The following TNRC6B variants were observed in gnomAD, a reference collection of about 807,000 sequenced individuals.
TNRC6B encodes trinucleotide repeat-containing gene 6B protein.
Under a neutral mutation model 203.6 loss-of-function variants are expected in TNRC6B, and 52 were observed. The observed-to-expected ratio is 0.26, with a 90% CI of 0.20 to 0.32. The LOEUF (loss-of-function observed/expected upper bound fraction) is 0.32, where lower values mean the gene tolerates loss of function less well. Among genes scored for constraint, TNRC6B ranks in the 10% least tolerant of loss-of-function variants. The pLI, the probability that TNRC6B is intolerant of heterozygous loss-of-function variation, is 1.00. For synonymous variants in TNRC6B, 838 were observed against 845.7 expected (o/e 0.99, Z 0.16); for missense variants, 1,923 against 2,286.2 (o/e 0.84, Z 3.24).
intron 12 of TNRC6B, among the ~76,000 whole-genome samples, chr22:40,293,777 A>G (rs1044367779): frequency 3.3e-5 from 5 of 152,070 alleles, no homozygotes; most frequent in Non-Finnish European, 7.4e-5. Context: ...CTGAGCATCA[A>G]TAGCTGTGCC....
chr22:40,230,479 A>G lies in TNRC6B; in HGVS notation c.6-15536A>G, dbSNP rs139347937. ...GCTAATTTTTGTTTTTTTAGTAACA[A>G]TGGGATTTCACCATGTTGGCCAGAC... On this transcript the variant is annotated intron_variant, in intron 1 of 22. Transcript: ENST00000454349. 3.7e-3 allele frequency among the ~76,000 whole-genome samples: 561 copies of G among 151,896 alleles called. 3 individuals carry two copies. Among genetic ancestry groups the G allele is most frequent in the Middle Eastern group, 0.014 (4 of 294 alleles).
chr22:40,095,290 G>A (rs1478894147), intron 1 of TNRC6B, among the ~76,000 whole-genome samples: 1 of 152,038 alleles, frequency 6.6e-6, no homozygotes, highest in East Asian at 1.9e-4. Flanking sequence ...TGGGAAATAA[G>A]TAGTCACTCC....
At chr22:40,291,852 T>A (rs1240109259) in intron 12 of TNRC6B, among the ~76,000 whole-genome samples, 1 of 152,250 alleles carries the variant, frequency 6.6e-6, no homozygotes, top group Non-Finnish European at 1.5e-5. Context: ...AGATTTTATA[T>A]TCCTTTTGAC....
Position 40,326,745 on chromosome 22 carries a change from T to G in TNRC6B, c.*3504T>G, listed in dbSNP as rs890769443. The stretch of plus-strand genomic sequence containing the variant: ...AATCTATGTAAAGAGTTAGGAAATA[T>G]AGGTTAATAATTTTTGGAACAAATT... On this transcript the variant is annotated 3_prime_UTR_variant, in exon 23 of 23. Coordinates refer to ENST00000454349, the MANE Select transcript of TNRC6B (RefSeq NM_001162501.2). The G allele has an allele frequency of 6.6e-6, 1 of 152,622 alleles. No individual in the cohort carries two copies. Among genetic ancestry groups the G allele is most frequent in the South Asian group, 2.1e-4 (1 of 4,828 alleles). The allele number at this position is 152,622 out of a possible 1,614,324, so 9.5% of individuals were successfully genotyped here.
chr22:40,334,358 G>A lies in TNRC6B; in HGVS notation c.*11117G>A, dbSNP rs2044011595. ...AATCTCAGTATGACTTAAGGTGCAG[G>A]AACATTTTTAACAGGTTTTAAAAAA... On this transcript the variant is annotated 3_prime_UTR_variant, in exon 23 of 23. Transcript: ENST00000454349. The A allele has an allele frequency of 6.6e-6, 1 of 152,422 alleles. No individual in the cohort carries two copies. Among genetic ancestry groups the A allele is most frequent in the Non-Finnish European group, 1.5e-5 (1 of 68,018 alleles). 9.4% of individuals were successfully genotyped at this position (152,422 alleles called of 1,614,324 possible).
intron 12 of TNRC6B, among the ~76,000 whole-genome samples, chr22:40,300,145 G>A (rs1433372693): frequency 6.6e-6 from 1 of 152,042 alleles, no homozygotes; most frequent in Non-Finnish European, 1.5e-5. Flanking sequence ...ATAATTTCTT[G>A]GTTGGATAAA....
At chr22:40,247,406 T>G (rs1283321415) in intron 2 of TNRC6B, among the ~76,000 whole-genome samples, 1 of 152,206 alleles carries the variant, frequency 6.6e-6, no homozygotes, top group East Asian at 1.9e-4. Flanking sequence ...CCAGCATTAT[T>G]GGATATAGCG....
chr22:40,308,429 A>G, intron 15 of TNRC6B, 83 bp from the exon 16 acceptor site: 1 of 1,488,740 alleles, frequency 6.7e-7, no homozygotes, highest in Non-Finnish European at 9.4e-7. Flanking sequence ...TTTGAATGAC[A>G]CTTGAAGGCA....
upstream of TNRC6B, among the ~76,000 whole-genome samples, chr22:40,176,997 G>C (rs900409147): frequency 6.6e-6 from 1 of 152,204 alleles, no homozygotes; most frequent in African/African-American, 2.4e-5. Context: ...TGGGAGGATG[G>C]GTAAGGGACT....
Position 40,157,501 on chromosome 22 carries a change from ATGG to A in TNRC6B, c.113+1320_113+1322del, listed in dbSNP as rs1232425394. ...ATGGCTCGTCTTGTATTTGTTGTGA[ATGG>A]AAACCAGGATATTTTCACAGCTGGT... On this transcript the variant is annotated intron_variant, in intron 4 of 23. Coordinates refer to the TNRC6B transcript ENST00000301923. 1.4e-3 allele frequency among the ~76,000 whole-genome samples: 206 copies of A among 152,300 alleles called. 1 individual carries two copies. Among genetic ancestry groups the A allele is most frequent in the African/African-American group, 4.1e-3 (169 of 41,560 alleles).
chr22:40,300,890 CT>C lies in TNRC6B; in HGVS notation c.3841-17del. ...ATCTCAGGAAACTTTGGTTTTCTGT[CT>C]TTCCCCCTTGTTTTGTAGGCATGTC... On this transcript the variant is annotated intron_variant, in intron 13 of 22. Transcript: ENST00000454349. The C allele has an allele frequency of 6.2e-7, 1 of 1,610,102 alleles. No homozygotes were observed. The highest frequency in any genetic ancestry group is 8.5e-7 in the Non-Finnish European group (1 of 1,178,162).
chr22:40,142,025 G>A (rs1384033238), intron 3 of TNRC6B, among the ~76,000 whole-genome samples: 1 of 151,582 alleles, frequency 6.6e-6, no homozygotes, highest in East Asian at 1.9e-4. Context: ...CTCCCAAAGT[G>A]CTGGGATTAC....
At chr22:40,078,034 GTTATT>G (rs1488318911) in intron 1 of TNRC6B, among the ~76,000 whole-genome samples, 2 of 152,188 alleles carry the variant, frequency 1.3e-5, no homozygotes, top group African/African-American at 4.8e-5. Flanking sequence ...CACATCCATA[GTTATT>G]TTATTAGCTA....
At chr22:40,090,135 G>A (rs772390402) in intron 1 of TNRC6B, among the ~76,000 whole-genome samples, 10 of 152,216 alleles carry the variant, frequency 6.6e-5, no homozygotes, top group Non-Finnish European at 1.0e-4. Flanking sequence ...TAAAGCGGCT[G>A]CAAACACCAT....
intron 2 of TNRC6B, 67 bp from the exon 3 acceptor site, chr22:40,251,112 G>C: frequency 1.5e-6 from 2 of 1,338,002 alleles, no homozygotes; most frequent in South Asian, 2.8e-5. Context: ...TCAGACTAAA[G>C]TAGTCTGAAA....
chr22:40,242,153 C>G (rs1569034859), intron 1 of TNRC6B, among the ~76,000 whole-genome samples: 1 of 150,850 alleles, frequency 6.6e-6, no homozygotes, highest in Non-Finnish European at 1.5e-5. Flanking sequence ...CTCCAGCCCT[C>G]AGAGTGACAG....
chr22:40,200,803 C>T (rs1239308291), intron 1 of TNRC6B, among the ~76,000 whole-genome samples: 2 of 152,146 alleles, frequency 1.3e-5, no homozygotes, highest in African/African-American at 4.8e-5. Context: ...GTCAAAACCC[C>T]TGCCACTAGA....
At chr22:40,236,726 C>G (rs1379456849) in intron 1 of TNRC6B, among the ~76,000 whole-genome samples, 3 of 152,168 alleles carry the variant, frequency 2.0e-5, no homozygotes, top group African/African-American at 4.8e-5. Flanking sequence ...TCTTATCATC[C>G]TTTCATTCCC....
intron 12 of TNRC6B, among the ~76,000 whole-genome samples, chr22:40,293,355 G>T (rs2070895009): frequency 6.6e-6 from 1 of 151,850 alleles, no homozygotes; most frequent in Non-Finnish European, 1.5e-5. Flanking sequence ...CACCATGCCT[G>T]GCTAATTTTT....
Sources: allele counts gnomAD v4.1 joint callset (sites outside exome capture counted in the v4.1 genomes callset), GRCh38; gene constraint gnomAD v4.1.1; transcripts MANE v1.5; gene names NCBI Gene and HGNC (gene_info 2026-07-23, HGNC 2026-07-21).